The following OVGP1 variants were observed in gnomAD, a reference collection of about 807,000 sequenced individuals.
OVGP1 encodes oviduct-specific glycoprotein.
Under a neutral mutation model 48.2 loss-of-function variants are expected in OVGP1, and 26 were observed. The observed-to-expected ratio is 0.54, with a 90% confidence interval of 0.40 to 0.75. The LOEUF is 0.75. Among genes scored for constraint, OVGP1 ranks in the 30% least tolerant of loss-of-function variants. The pLI, the probability that OVGP1 is intolerant of heterozygous loss-of-function variation, is 0.00. For missense variants in OVGP1, 791 were observed against 820.6 expected, an observed-to-expected ratio of 0.96 and a Z score of 0.44; for synonymous variants, 294 against 305.7, an observed-to-expected ratio of 0.96 and a Z score of 0.40.
At chr1:111,415,649 A>G (rs60484933) in intron 10 of OVGP1, among the ~76,000 whole-genome samples, 2,521 of 152,248 alleles carry the variant, frequency 0.017, 49 homozygotes, top group East Asian at 0.065. Context: ...TCACTTTGAC[A>G]TCTCTGATTG....
intron 3 of OVGP1, 57 bp downstream of exon 3, chr1:111,426,380 G>T: frequency 6.2e-7 from 1 of 1,610,772 alleles, no homozygotes; most frequent in Admixed American, 1.7e-5. Context: ...GAAATAGACT[G>T]TTATCTTATA....
chr1:111,415,115 C>A lies in OVGP1; in HGVS notation c.1386G>T (p.Lys462Asn), dbSNP rs1399091241. The A allele has an allele frequency of 6.2e-7, 1 of 1,614,188 alleles. No homozygotes were observed. The highest frequency in any genetic ancestry group is 8.5e-7 in the Non-Finnish European group (1 of 1,180,014). Reference sequence around the variant, plus strand: ...TCTTCTCTCCTAGAGCTACAGTGTGCTTTCCAAGGGATACAGTTTCCTTTG... The same window carrying A: ...TCTTCTCTCCTAGAGCTACAGTGTGATTTCCAAGGGATACAGTTTCCTTTG... ...TPTKETVSLGKHTVALGEKTE... is the reference protein window; with the variant it reads ...TPTKETVSLGNHTVALGEKTE... Residue 462 changes from lysine to asparagine, a missense_variant, in exon 11 of 11, where the codon AAG becomes AAT. Physicochemically the swap from Lys to Asn is moderately conservative, Grantham distance 94 (BLOSUM62 0). Transcript: ENST00000369732.
chr1:111,427,575 C>A, intron 1 of OVGP1, 122 bp downstream of exon 1: 1 of 1,256,282 alleles, frequency 8.0e-7, no homozygotes, highest in Non-Finnish European at 1.1e-6. Flanking sequence ...CCCATCCCAT[C>A]TCTACCTAAT....
chr1:111,423,220 T>C (rs1652317042), intron 5 of OVGP1, among the ~76,000 whole-genome samples, 169 bp from the exon 6 acceptor site: 1 of 152,102 alleles, frequency 6.6e-6, no homozygotes, highest in Non-Finnish European at 1.5e-5. Flanking sequence ...AGATGAGGGC[T>C]GATGTGGTTA....
rs372286614 is a variant in OVGP1, at chr1:111,426,516, T to C, written c.181A>G (p.Met61Val). The change falls in exon 3 of 11, where the codon ATG becomes GTG. Residue 61 changes from methionine (M) to valine (V), a missense_variant. Coordinates refer to ENST00000369732, the MANE Select transcript of OVGP1 (RefSeq NM_002557.4). ...TTAGCAACAATCTGATTGTTGTTCA[T>C]TGAGGCAAAGGCAAATATCAGGTGG... ...CTHLIFAFAS[M>V]NNNQIVAKDL... The C allele has an allele frequency of 5.0e-6, 8 of 1,614,058 alleles. No individual in the cohort carries two copies. Among genetic ancestry groups the C allele is most frequent in the African/African-American group, 2.7e-5 (2 of 74,906 alleles).
intron 9 of OVGP1, 36 bp from the exon 10 acceptor site, chr1:111,416,494 G>T (rs200976386): frequency 6.3e-7 from 1 of 1,578,398 alleles, no homozygotes; most frequent in Non-Finnish European, 8.6e-7. Flanking sequence ...TGCTGTACTT[G>T]TCAGTCTCTA....
In OVGP1 at chr1:111,416,352, T is replaced by C. The variant is rs373178828; in HGVS notation, c.1127A>G (p.Tyr376Cys). The C allele has an allele frequency of 6.2e-7, 1 of 1,603,218 alleles. No individual in the cohort carries two copies. Among genetic ancestry groups the C allele is most frequent in the Admixed American group, 1.7e-5 (1 of 58,578 alleles). Reference sequence around the variant, plus strand: ...CCGCACCAGGATATCATTCAATACGTAGACAAGGGGGAAAGGGCCAGTGCC... The same window carrying C: ...CCGCACCAGGATATCATTCAATACGCAGACAAGGGGGAAAGGGCCAGTGCC... The part of the protein sequence containing the change: ...FCGTGPFPLV[Y>C]VLNDILVRAE... The change falls in exon 10 of 11, where the codon TAC (tyrosine) becomes TGC (cysteine). Residue 376 changes from tyrosine to cysteine, a missense_variant. Coordinates refer to ENST00000369732, the MANE Select transcript of OVGP1 (RefSeq NM_002557.4).
chr1:111,425,291 C>T, intron 4 of OVGP1, 92 bp downstream of exon 4: 3 of 1,461,872 alleles, frequency 2.1e-6, no homozygotes, highest in Non-Finnish European at 2.8e-6. Context: ...GCTTTGCTGT[C>T]CGCATGGCCA....
intron 3 of OVGP1, 128 bp from the exon 4 acceptor site, chr1:111,425,567 A>T: frequency 6.7e-7 from 1 of 1,503,724 alleles, no homozygotes; most frequent in Non-Finnish European, 9.0e-7. Flanking sequence ...AGGAAAGGAA[A>T]AGGGGGAAGG....
At chr1:111,421,042 A>G (rs1420559412) in intron 8 of OVGP1, among the ~76,000 whole-genome samples, 3 of 152,168 alleles carry the variant, frequency 2.0e-5, no homozygotes, top group African/African-American at 7.2e-5. Context: ...TTGGGGTGCA[A>G]TGAAACCCTT....
Position 111,425,225 on chromosome 1 carries a change from G to T in OVGP1, c.317+158C>A, listed in dbSNP as rs113793299. Among the ~76,000 whole-genome samples, 10 of 152,316 alleles carry T rather than the reference G, an allele frequency of 6.6e-5. 2 individuals are homozygous for T. The highest frequency in any genetic ancestry group is 2.4e-4 in the African/African-American group (10 of 41,556). On this transcript the variant is annotated intron_variant, in intron 4 of 10. Coordinates refer to ENST00000369732, the MANE Select transcript of OVGP1 (RefSeq NM_002557.4). ...TGACCCACCATGGAGAAGAGGCCAG[G>T]ATATCCCTTGAGTGCAGGGGTCTAA...
At chr1:111,419,024 C>T (rs1652199446) in intron 9 of OVGP1, among the ~76,000 whole-genome samples, 2 of 152,104 alleles carry the variant, frequency 1.3e-5, no homozygotes, top group Admixed American at 1.3e-4. Context: ...AGGTCATCCA[C>T]CTGTAGAAAC....
chr1:111,426,776 A>G, intron 2 of OVGP1, 135 bp from the exon 3 acceptor site: 6 of 1,548,404 alleles, frequency 3.9e-6, no homozygotes, highest in Non-Finnish European at 5.2e-6. Context: ...CCTGAAGTAC[A>G]CCTCAGAACT....
At chr1:111,424,966 T>C (rs1046012209) in intron 4 of OVGP1, among the ~76,000 whole-genome samples, 4 of 152,244 alleles carry the variant, frequency 2.6e-5, no homozygotes, top group Non-Finnish European at 5.9e-5. Context: ...AGCATTTTGT[T>C]ATTTCCTTTC....
At chr1:111,424,322 G>A (rs193053019) in intron 4 of OVGP1, among the ~76,000 whole-genome samples, 8 of 152,150 alleles carry the variant, frequency 5.3e-5, no homozygotes, top group Admixed American at 2.0e-4. Flanking sequence ...TTTCTCTTCC[G>A]TAGTGATGAC....
At chr1:111,426,330 A>G in intron 3 of OVGP1, 107 bp downstream of exon 3, 1 of 1,497,398 alleles carries the variant, frequency 6.7e-7, no homozygotes, top group Non-Finnish European at 9.1e-7. Context: ...AGAGGAAGGT[A>G]GGACTGGAAG....
chr1:111,427,632 T>C (rs534654907), intron 1 of OVGP1, 65 bp downstream of exon 1: 4 of 1,581,350 alleles, frequency 2.5e-6, no homozygotes, highest in African/African-American at 1.3e-5. Flanking sequence ...ACCAGAGAGA[T>C]GACGAACTCA....
rs188628998 is a variant in OVGP1 at position 111,418,257 on chromosome 1, C to A, written c.1020+1353G>T. Among the ~76,000 whole-genome samples the A allele has an allele frequency of 1.7e-3, 256 of 152,302 alleles. 1 individual carries two copies. The highest frequency in any genetic ancestry group is 5.8e-3 in the African/African-American group (242 of 41,568). On this transcript the variant is annotated intron_variant, in intron 9 of 10. Transcript: ENST00000369732. ...CCACCCTCTGCTGCTCATCCCAGGG[C>A]CTCACCCAACACAAGGGATCAATCC... is the stretch of plus-strand genomic sequence containing the variant.
chr1:111,420,584 TTCAAACTCTGC>T (rs2101725528), intron 8 of OVGP1, among the ~76,000 whole-genome samples: 1 of 152,338 alleles, frequency 6.6e-6, no homozygotes, highest in African/African-American at 2.4e-5. Flanking sequence ...TTTCCTGTGC[TTCAAACTCTGC>T]TCAAACTCTA....
Sources: gnomAD v4.1 joint callset for allele counts (sites outside exome capture counted in the v4.1 genomes callset) on GRCh38, gnomAD v4.1.1 for gene constraint, MANE v1.5 for transcripts, NCBI Gene and HGNC (gene_info 2026-07-23, HGNC 2026-07-21) for gene names.